The following GPR137C variants were observed in gnomAD, a reference collection of about 807,000 sequenced individuals.
GPR137C encodes the protein G protein-coupled receptor 137C.
GPR137C carries 27 observed loss-of-function variants against 43.4 expected under a neutral mutation model. The observed-to-expected ratio is 0.62, with a 90% CI of 0.46 to 0.86. The LOEUF is 0.86. Among genes scored for constraint, GPR137C ranks in the 40% least tolerant of loss-of-function variants. GPR137C has a pLI of 0.00. For synonymous variants in GPR137C, 285 were observed against 226.9 expected (o/e 1.26, Z -2.30); for missense variants, 522 against 534.6 (o/e 0.98, Z 0.23).
At chr14:52,583,738 T>G (rs1330180152) in intron 1 of GPR137C, among the ~76,000 whole-genome samples, 2 of 151,908 alleles carry the variant, frequency 1.3e-5, no homozygotes, top group Non-Finnish European at 2.9e-5. Flanking sequence ...AATAATAACT[T>G]CCACCTTCCT....
intron 1 of GPR137C, among the ~76,000 whole-genome samples, chr14:52,580,599 G>A (rs1386575752): frequency 1.3e-5 from 2 of 151,778 alleles, no homozygotes; most frequent in East Asian, 3.9e-4. Context: ...TCTGAGCTCA[G>A]GCGATCCACC....
intron 1 of GPR137C, among the ~76,000 whole-genome samples, chr14:52,577,524 A>G (rs1164543132): frequency 6.6e-6 from 1 of 151,898 alleles, no homozygotes; most frequent in Admixed American, 6.6e-5. Flanking sequence ...GCGCACACAC[A>G]CACACACACA....
intron 1 of GPR137C, among the ~76,000 whole-genome samples, chr14:52,567,538 T>G (rs562552862): frequency 3.6e-4 from 55 of 152,316 alleles, no homozygotes; most frequent in Non-Finnish European, 5.9e-4. Context: ...CATTAGAAAT[T>G]AGAAGGATTG....
chr14:52,593,467 T>C (rs565516482), intron 1 of GPR137C, among the ~76,000 whole-genome samples: 65 of 152,050 alleles, frequency 4.3e-4, no homozygotes, highest in African/African-American at 1.5e-3. Context: ...TCCTGGACGT[T>C]TTTTGGTTAG....
intron 1 of GPR137C, among the ~76,000 whole-genome samples, chr14:52,560,552 AG>A (rs1474990107): frequency 1.3e-5 from 2 of 152,230 alleles, no homozygotes; most frequent in African/African-American, 4.8e-5. Flanking sequence ...GCTGGGGAAA[AG>A]ATAGACATAT....
chr14:52,561,131 C>G (rs1222773771), intron 1 of GPR137C, among the ~76,000 whole-genome samples: 2 of 152,192 alleles, frequency 1.3e-5, no homozygotes, highest in Non-Finnish European at 2.9e-5. Flanking sequence ...AAAAATTACA[C>G]TCACGTTGAA....
intron 3 of GPR137C, chr14:52,611,688 C>T (rs2039040647): frequency 2.3e-6 from 1 of 436,208 alleles, no homozygotes. Context: ...TTGTACACTA[C>T]ATAGTACAAA....
intron 1 of GPR137C, among the ~76,000 whole-genome samples, chr14:52,560,595 T>G (rs1594778894): frequency 6.6e-6 from 1 of 152,156 alleles, no homozygotes; most frequent in African/African-American, 2.4e-5. Context: ...GAATCCAGAA[T>G]TAGACCCACA....
intron 3 of GPR137C, among the ~76,000 whole-genome samples, chr14:52,614,538 A>G (rs1046946863): frequency 6.6e-6 from 1 of 152,092 alleles, no homozygotes; most frequent in African/African-American, 2.4e-5. Context: ...ACTAGGCTAG[A>G]GTGCAGTGGT....
At chr14:52,585,403 A>ACTGTCTCTCC (rs2038700718) in intron 1 of GPR137C, among the ~76,000 whole-genome samples, 1 of 152,038 alleles carries the variant, frequency 6.6e-6, no homozygotes, top group Non-Finnish European at 1.5e-5. Context: ...TCTGTCTCTC[A>ACTGTCTCTCC]CTGTCTCTCC....
rs548879825 is a variant in GPR137C at position 52,634,084 on chromosome 14, T to G, written c.1112+138T>G. On this transcript the variant is annotated intron_variant, in intron 6 of 6. Transcript: ENST00000321662. ...AAATAAGATCGGCAATACTGGAGTT[T>G]AAAGCAGTAGATGTTAAACCCAGGG... is the stretch of plus-strand genomic sequence containing the variant. 1.2e-4 allele frequency: 74 copies of G among 633,984 alleles called. No homozygotes were observed. The East Asian group carries it at 2.0e-3, about 17-fold the overall frequency. The allele number at this position is 633,984 out of a possible 1,614,324, so 39.3% of individuals were successfully genotyped here.
At chr14:52,631,278 A>C (rs940797239) in intron 3 of GPR137C, among the ~76,000 whole-genome samples, 24 of 152,312 alleles carry the variant, frequency 1.6e-4, no homozygotes, top group African/African-American at 5.5e-4. Flanking sequence ...TTCTCCTGTG[A>C]CTTGCAAGTC....
At chr14:52,581,021 A>G (rs2038638424) in intron 1 of GPR137C, among the ~76,000 whole-genome samples, 1 of 150,686 alleles carries the variant, frequency 6.6e-6, no homozygotes. Context: ...CAACATGGCA[A>G]AACCCCACTG....
chr14:52,594,057 A>G (rs1171816643), intron 1 of GPR137C, among the ~76,000 whole-genome samples: 2 of 152,312 alleles, frequency 1.3e-5, no homozygotes, highest in East Asian at 3.9e-4. Context: ...TTCAAAGAAC[A>G]TCTTTATTTC....
At chr14:52,558,761 T>A (rs1310491947) in intron 1 of GPR137C, among the ~76,000 whole-genome samples, 1 of 152,208 alleles carries the variant, frequency 6.6e-6, no homozygotes, top group East Asian at 1.9e-4. Flanking sequence ...GGAAATCATT[T>A]TTTAATGAAA....
At chr14:52,571,761 T>C (rs953286026) in intron 1 of GPR137C, among the ~76,000 whole-genome samples, 16 of 151,976 alleles carry the variant, frequency 1.1e-4, no homozygotes, top group Non-Finnish European at 1.8e-4. Flanking sequence ...AGAGCAGAAC[T>C]GAAGGAGATA....
chr14:52,569,156 A>G (rs1393804082), intron 1 of GPR137C, among the ~76,000 whole-genome samples: 1 of 152,228 alleles, frequency 6.6e-6, no homozygotes, highest in African/African-American at 2.4e-5. Flanking sequence ...CCAGGCAAAC[A>G]GGGTCTGGAG....
chr14:52,586,312 T>C (rs1206614755), intron 1 of GPR137C, among the ~76,000 whole-genome samples: 1 of 152,192 alleles, frequency 6.6e-6, no homozygotes, highest in African/African-American at 2.4e-5. Context: ...TTTTCCCAGG[T>C]TTCTGTTAGC....
intron 6 of GPR137C, 59 bp downstream of exon 6, chr14:52,634,005 A>G: frequency 1.9e-6 from 2 of 1,054,680 alleles, no homozygotes; most frequent in Non-Finnish European, 1.5e-6. Context: ...AAAAAAACAA[A>G]TCTAAGCTTT....
Sources: gnomAD v4.1 joint callset for allele counts (sites outside exome capture counted in the v4.1 genomes callset) on GRCh38, gnomAD v4.1.1 for gene constraint, MANE v1.5 for transcripts, NCBI Gene and HGNC (gene_info 2026-07-23, HGNC 2026-07-21) for gene names.